Variants in GPATCH8 observed in about 807,000 individuals in gnomAD.
The protein encoded by GPATCH8 is G-patch domain containing 8, also known as G patch domain-containing protein 8.
A neutral mutation model predicts 118.3 loss-of-function variants in GPATCH8; 18 were observed. That is an observed-to-expected ratio of 0.15 (90% CI 0.11 to 0.23). The LOEUF is 0.23. Among genes scored for constraint, GPATCH8 ranks in the 10% least tolerant of loss-of-function variants. GPATCH8 has a pLI of 1.00. For synonymous variants in GPATCH8, 659 were observed against 684.7 expected, an observed-to-expected ratio of 0.96 and a Z score of 0.59; for missense variants, 1,631 against 1,873.8, an observed-to-expected ratio of 0.87 and a Z score of 2.39.
intron 6 of GPATCH8, among the ~76,000 whole-genome samples, chr17:44,411,542 G>T (rs973350833): frequency 6.6e-6 from 1 of 152,086 alleles, no homozygotes; most frequent in Non-Finnish European, 1.5e-5. Context: ...TCATGTAAAG[G>T]GGATTTCAAG....
At chr17:44,443,278 ATCATT>A (rs1166666515) in intron 3 of GPATCH8, among the ~76,000 whole-genome samples, 1 of 152,240 alleles carries the variant, frequency 6.6e-6, no homozygotes, top group African/African-American at 2.4e-5. Flanking sequence ...GGACTTAAAT[ATCATT>A]TCATTTATTG....
intron 7 of GPATCH8, among the ~76,000 whole-genome samples, chr17:44,402,705 C>G (rs2049073118): frequency 1.3e-5 from 2 of 152,144 alleles, no homozygotes; most frequent in Non-Finnish European, 2.9e-5. Context: ...TAGAAACTTC[C>G]ACTGTGCTAC....
intron 2 of GPATCH8, among the ~76,000 whole-genome samples, chr17:44,472,478 TA>T (rs539643553): frequency 5.3e-5 from 8 of 152,238 alleles, no homozygotes; most frequent in Non-Finnish European, 8.8e-5. Flanking sequence ...AAATATCATT[TA>T]ATTTAGTGGT....
intron 1 of GPATCH8, among the ~76,000 whole-genome samples, chr17:44,491,444 C>A (rs979502833): frequency 6.8e-6 from 1 of 147,672 alleles, no homozygotes; most frequent in Non-Finnish European, 1.5e-5. Flanking sequence ...GCCGAGATTG[C>A]GCCACTGCAC....
In GPATCH8 at chr17:44,447,163, T is replaced by A. The variant is rs572780864; in HGVS notation, c.194-10618A>T. On this transcript the variant is annotated intron_variant, in intron 3 of 7. Transcript: ENST00000591680. ...CATTTCATGTTTAATAAAAAAAAAT[T>A]TTTTTTTTTTTAAGACAGTCTCACT... is the stretch of plus-strand genomic sequence containing the variant. Among the ~76,000 whole-genome samples the A allele has an allele frequency of 2.6e-3, 364 of 138,526 alleles. 1 individual carries two copies. The highest frequency in any genetic ancestry group is 0.01 in the African/African-American group (359 of 35,558). The allele number at this position is 138,526 out of a possible 152,430, so 90.9% of individuals were successfully genotyped here. A position where few individuals can be genotyped will look rare whatever the true frequency, so the allele number is the denominator to read the frequency against.
At chr17:44,486,275 T>A (rs1968776047) in intron 1 of GPATCH8, 1 of 152,228 alleles carries the variant, frequency 6.6e-6, no homozygotes, top group Non-Finnish European at 1.5e-5. Flanking sequence ...TTCTTTCTTT[T>A]CTTTAACAGC....
At chr17:44,492,699 G>A (rs191505805) in intron 1 of GPATCH8, among the ~76,000 whole-genome samples, 1 of 152,138 alleles carries the variant, frequency 6.6e-6, no homozygotes. Flanking sequence ...TAATATAGCT[G>A]GCAACAAACA....
chr17:44,478,629 C>T (rs1430848643), intron 1 of GPATCH8, among the ~76,000 whole-genome samples: 2 of 151,502 alleles, frequency 1.3e-5, no homozygotes, highest in Admixed American at 6.6e-5. Context: ...CTACCACATT[C>T]AAGACTGGGT....
At chr17:44,403,873 T>C (rs2049120685) in intron 7 of GPATCH8, among the ~76,000 whole-genome samples, 1 of 151,882 alleles carries the variant, frequency 6.6e-6, no homozygotes, top group South Asian at 2.1e-4. Flanking sequence ...TTTGTATTTT[T>C]AGTAGAGACA....
intron 3 of GPATCH8, among the ~76,000 whole-genome samples, chr17:44,459,438 T>C (rs2051462599): frequency 6.6e-6 from 1 of 152,198 alleles, no homozygotes; most frequent in African/African-American, 2.4e-5. Context: ...TATCCATTTA[T>C]TGCTGAGGAA....
rs557850369 is a variant in GPATCH8, at chr17:44,435,161, A to T, written c.262-10T>A. The T allele has an allele frequency of 1.7e-4, 213 of 1,258,604 alleles. 8 individuals are homozygous for T. In the South Asian group the frequency reaches 2.5e-3, roughly 15 times the overall value. The allele number at this position is 1,258,604 out of a possible 1,614,324, so 78.0% of individuals were successfully genotyped here. The stretch of plus-strand genomic sequence containing the variant: ...CTTCAGCATAATCAAGCTTGACAAA[A>T]ATAGATATGATTAGATTTAATTCCT... On this transcript the variant is annotated splice_polypyrimidine_tract_variant and intron_variant, in intron 4 of 7. Transcript: ENST00000591680.
chr17:44,490,846 T>C (rs1969191761), intron 1 of GPATCH8, among the ~76,000 whole-genome samples: 1 of 152,220 alleles, frequency 6.6e-6, no homozygotes, highest in African/African-American at 2.4e-5. Flanking sequence ...TCAAGGATTC[T>C]ACTTCCAAAC....
chr17:44,475,546 T>C (rs1910229114), intron 1 of GPATCH8, among the ~76,000 whole-genome samples: 1 of 150,438 alleles, frequency 6.6e-6, no homozygotes, highest in Non-Finnish European at 1.5e-5. Context: ...TACAAAAAAT[T>C]AGCTGGGCGT....
chr17:44,406,042 C>A lies in GPATCH8; in HGVS notation c.502G>T (p.Asp168Tyr). The A allele has an allele frequency of 1.2e-6, 2 of 1,603,506 alleles. No homozygotes were observed. Among genetic ancestry groups the A allele is most frequent in the Non-Finnish European group, 1.7e-6 (2 of 1,170,552 alleles). ...CGAGCAAACTCTCTCTGCTTCAGAT[C>A]TTTTAATCTCTGGGTTAAAAGAAAG... ...YDHAHKQRLK[D>Y]LKQREFARNV... Residue 168 changes from aspartate to tyrosine, a missense_variant, in exon 7 of 8, where the codon GAT (aspartate) becomes TAT (tyrosine). By Grantham distance (160) the Asp-to-Tyr change is radical. This residue lies in a region of GPATCH8 where 81 missense variants were observed against 227.6 expected (regional missense o/e 0.36). Coordinates refer to ENST00000591680, the MANE Select transcript of GPATCH8 (RefSeq NM_001002909.4).
intron 6 of GPATCH8, among the ~76,000 whole-genome samples, chr17:44,419,116 A>C (rs1451798029): frequency 6.6e-6 from 1 of 152,188 alleles, no homozygotes; most frequent in East Asian, 1.9e-4. Flanking sequence ...TTTTGGAGAG[A>C]TTATTTGTGC....
chr17:44,414,903 C>G (rs192782556), intron 6 of GPATCH8, among the ~76,000 whole-genome samples: 1 of 152,150 alleles, frequency 6.6e-6, no homozygotes, highest in African/African-American at 2.4e-5. Context: ...GTTGTATATA[C>G]CAGTAAGTCC....
chr17:44,430,073 G>A (rs908634135), intron 5 of GPATCH8, among the ~76,000 whole-genome samples: 2 of 148,656 alleles, frequency 1.3e-5, no homozygotes, highest in African/African-American at 2.5e-5. Flanking sequence ...CCAACTCACC[G>A]ACCCACCCAC....
intron 5 of GPATCH8, among the ~76,000 whole-genome samples, chr17:44,434,152 A>G (rs1424511644): frequency 1.3e-5 from 2 of 150,928 alleles, no homozygotes; most frequent in Non-Finnish European, 2.9e-5. Flanking sequence ...TAATATTAAT[A>G]ATAATAATAA....
chr17:44,446,693 A>G (rs1277741649), intron 3 of GPATCH8, among the ~76,000 whole-genome samples: 1 of 152,290 alleles, frequency 6.6e-6, no homozygotes. Context: ...GTGATACTAT[A>G]ATAAGCCAAC....
Sources: gnomAD v4.1 joint callset for allele counts (sites outside exome capture counted in the v4.1 genomes callset) on GRCh38, gnomAD v4.1.1 for gene constraint, gnomAD v4.1.1 regional missense constraint, MANE v1.5 for transcripts, NCBI Gene and HGNC (gene_info 2026-07-23, HGNC 2026-07-21) for gene names.